KBTBD12: variants seen among roughly 807,000 people sequenced by gnomAD.
KBTBD12 encodes the protein kelch repeat and BTB domain containing 12.
KBTBD12 carries 53 observed loss-of-function variants against 58.7 expected under a neutral mutation model. That is an observed-to-expected ratio of 0.90 (90% CI 0.72 to 1.14). The LOEUF (loss-of-function observed/expected upper bound fraction) is 1.14. Among genes scored for constraint, KBTBD12 ranks in the 50% most tolerant of loss-of-function variants. The probability of loss-of-function intolerance (pLI) is 0.00; values close to 1 mark genes in which losing one functional copy is unlikely to be tolerated. For synonymous variants in KBTBD12, 236 were observed against 259.8 expected (o/e 0.91, Z 0.88); for missense variants, 704 against 751.3 (o/e 0.94, Z 0.74).
At chr3:127,983,727 G>T (rs1340965469) in intron 5 of KBTBD12, among the ~76,000 whole-genome samples, 2 of 151,680 alleles carry the variant, frequency 1.3e-5, no homozygotes, top group Non-Finnish European at 2.9e-5. Context: ...ACTCCAGCCT[G>T]GGTGACAGAG....
chr3:127,946,102 A>G (rs1940076051), intron 4 of KBTBD12, among the ~76,000 whole-genome samples: 1 of 152,198 alleles, frequency 6.6e-6, no homozygotes, highest in African/African-American at 2.4e-5. Flanking sequence ...ACAACAGTTT[A>G]ATTTCATTCC....
At chr3:127,958,323 A>G (rs1940360534) in intron 4 of KBTBD12, among the ~76,000 whole-genome samples, 1 of 152,160 alleles carries the variant, frequency 6.6e-6, no homozygotes, top group South Asian at 2.1e-4. Context: ...TCTATGGGCC[A>G]TCCCCTAAGC....
intron 1 of KBTBD12, among the ~76,000 whole-genome samples, chr3:127,920,570 A>G (rs1306587671): frequency 6.6e-6 from 1 of 152,190 alleles, no homozygotes; most frequent in Non-Finnish European, 1.5e-5. Flanking sequence ...AGGCACGGTC[A>G]TATATCAACC....
intron 4 of KBTBD12, among the ~76,000 whole-genome samples, chr3:127,958,035 G>A (rs1940353569): frequency 6.6e-6 from 1 of 152,148 alleles, no homozygotes; most frequent in Admixed American, 6.5e-5. Flanking sequence ...TAGGCGGAGA[G>A]ATCAGCCCAA....
At chr3:127,954,884 G>T (rs1445397281) in intron 4 of KBTBD12, among the ~76,000 whole-genome samples, 1 of 152,010 alleles carries the variant, frequency 6.6e-6, no homozygotes, top group East Asian at 1.9e-4. Flanking sequence ...TCAAAATCTG[G>T]CAAAAATCCC....
At chr3:127,951,702 T>A (rs1940207941) in intron 4 of KBTBD12, among the ~76,000 whole-genome samples, 1 of 152,206 alleles carries the variant, frequency 6.6e-6, no homozygotes, top group Admixed American at 6.5e-5. Flanking sequence ...CATCAGGGAT[T>A]GTCCCAATAT....
intron 4 of KBTBD12, among the ~76,000 whole-genome samples, chr3:127,932,345 C>T (rs141235302): frequency 4.6e-5 from 7 of 152,254 alleles, no homozygotes; most frequent in Non-Finnish European, 8.8e-5. Flanking sequence ...TAATTGTTCA[C>T]TGTATATATA....
chr3:127,966,788 C>A (rs940130019), intron 5 of KBTBD12, among the ~76,000 whole-genome samples: 9 of 151,922 alleles, frequency 5.9e-5, no homozygotes, highest in Admixed American at 2.6e-4. Flanking sequence ...GAAAAGGGAC[C>A]CAAACTAGGG....
chr3:127,956,932 C>T (rs1940331976), intron 4 of KBTBD12, among the ~76,000 whole-genome samples: 1 of 152,166 alleles, frequency 6.6e-6, no homozygotes, highest in Non-Finnish European at 1.5e-5. Context: ...CTCCTGAATC[C>T]TTAAGAAAAT....
At position 127,923,077 on chromosome 3, in the gene KBTBD12, G is replaced by A. The variant is rs769250690; in HGVS notation, c.16G>A (p.Glu6Lys). 8.1e-6 allele frequency: 13 copies of A among 1,603,528 alleles called. No homozygotes were observed. In the Admixed American group the frequency reaches 2.2e-4, roughly 27 times the overall value. Reference protein sequence around the residue: MECKIEGKEKYQHSLN... With the variant: MECKIKGKEKYQHSLN... ...AGAGTAGATCATGGAGTGCAAGATT[G>A]AGGGAAAAGAAAAATACCAACATAG... The change falls in exon 2 of 6, where the codon GAG (glutamate) becomes AAG (lysine). Residue 6 changes from glutamate to lysine, a missense_variant. Coordinates refer to ENST00000405109, the MANE Select transcript of KBTBD12 (RefSeq NM_207335.4).
chr3:127,937,487 G>C (rs963839019), intron 4 of KBTBD12, among the ~76,000 whole-genome samples: 5 of 152,104 alleles, frequency 3.3e-5, no homozygotes, highest in Admixed American at 6.6e-5. Flanking sequence ...GTGAATAGAA[G>C]AGAGTTCTGA....
chr3:127,970,301 G>A (rs910625368), intron 5 of KBTBD12, among the ~76,000 whole-genome samples: 1 of 152,154 alleles, frequency 6.6e-6, no homozygotes, highest in Non-Finnish European at 1.5e-5. Flanking sequence ...GAGGTTTGGA[G>A]AAATCAAAAC....
rs748458549 is a variant in KBTBD12 at position 127,927,821 on chromosome 3, A to G, written c.1128A>G (p.Glu376=). 2 of 1,599,978 alleles carry G rather than the reference A, an allele frequency of 1.3e-6. No individual in the cohort carries two copies. Among genetic ancestry groups the G allele is most frequent in the Non-Finnish European group, 8.5e-7 (1 of 1,173,494 alleles). Residue 376 remains glutamate, a synonymous_variant, in exon 3 of 6, where the codon GAA becomes GAG. Coordinates refer to ENST00000405109, the MANE Select transcript of KBTBD12 (RefSeq NM_207335.4). ...WEKLCTAEFR[E]LYALGSIHND... is the part of the protein sequence containing the mutation. ...AGTTATGCACAGCTGAATTTCGAGA[A>G]CTCTATGCTCTGGGCAGTATTCATA... is the stretch of plus-strand genomic sequence containing the variant.
intron 5 of KBTBD12, among the ~76,000 whole-genome samples, chr3:127,981,313 T>G (rs906981234): frequency 3.3e-5 from 5 of 152,222 alleles, no homozygotes; most frequent in Non-Finnish European, 5.9e-5. Context: ...TGTTACCTTT[T>G]CTACAAAATG....
intron 5 of KBTBD12, among the ~76,000 whole-genome samples, chr3:127,964,655 A>AG (rs1227898987): frequency 6.0e-5 from 9 of 148,920 alleles, no homozygotes; most frequent in South Asian, 2.1e-4. Context: ...AAAAAAAAAA[A>AG]AAAGAAAGAA....
intron 5 of KBTBD12, among the ~76,000 whole-genome samples, chr3:127,983,483 G>A (rs1940908184): frequency 6.6e-6 from 1 of 152,138 alleles, no homozygotes; most frequent in Non-Finnish European, 1.5e-5. Flanking sequence ...AACCGGGCGT[G>A]GTGGCTCACG....
intron 4 of KBTBD12, among the ~76,000 whole-genome samples, chr3:127,942,314 T>C (rs1013645832): frequency 1.3e-5 from 2 of 152,192 alleles, no homozygotes; most frequent in South Asian, 4.1e-4. Context: ...ATATCTACTC[T>C]TAGCAAATTT....
chr3:127,926,256 T>G (rs1939564393), intron 2 of KBTBD12, among the ~76,000 whole-genome samples: 1 of 152,190 alleles, frequency 6.6e-6, no homozygotes, highest in South Asian at 2.1e-4. Context: ...ACATCTACTT[T>G]CTAACCTTTA....
At chr3:127,971,720 C>T (rs1182173492) in intron 5 of KBTBD12, among the ~76,000 whole-genome samples, 1 of 152,166 alleles carries the variant, frequency 6.6e-6, no homozygotes, top group Non-Finnish European at 1.5e-5. Flanking sequence ...CAGTGGGACC[C>T]GCTGTGGGCA....
Sources: allele counts gnomAD v4.1 joint callset (sites outside exome capture counted in the v4.1 genomes callset), GRCh38; gene constraint gnomAD v4.1.1; transcripts MANE v1.5; gene names NCBI Gene and HGNC (gene_info 2026-07-23, HGNC 2026-07-21).